The following MEIS2 variants were observed in gnomAD, a reference collection of about 807,000 sequenced individuals.
The protein encoded by MEIS2 is homeobox protein Meis2.
A neutral mutation model predicts 58.6 loss-of-function variants in MEIS2; 9 were observed. The ratio of observed to expected loss-of-function variants is 0.15; its 90% confidence interval spans 0.09 to 0.27. The LOEUF (loss-of-function observed/expected upper bound fraction) is 0.27. Among genes scored for constraint, MEIS2 ranks in the 10% least tolerant of loss-of-function variants. The pLI is 1.00. For missense variants in MEIS2, 427 were observed against 635.0 expected (o/e 0.67, Z 3.52); for synonymous variants, 221 against 228.4 (o/e 0.97, Z 0.29).
chr15:36,921,994 A>T (rs2057530282), intron 9 of MEIS2, among the ~76,000 whole-genome samples: 1 of 152,228 alleles, frequency 6.6e-6, no homozygotes, highest in African/African-American at 2.4e-5. Flanking sequence ...ATGTTCACTG[A>T]TGTGGACTGA....
chr15:37,099,405 C>A, intron 1 of MEIS2, 50 bp downstream of exon 1: 1 of 1,613,980 alleles, frequency 6.2e-7, no homozygotes, highest in Non-Finnish European at 8.5e-7. Flanking sequence ...GGACAGGCCC[C>A]TCTTAGGAGA....
intron 9 of MEIS2, among the ~76,000 whole-genome samples, chr15:36,949,574 G>A (rs987507903): frequency 2.0e-5 from 3 of 151,970 alleles, no homozygotes; most frequent in African/African-American, 7.2e-5. Flanking sequence ...TACTTTCCCT[G>A]AATTTTGAAA....
chr15:36,973,823 T>A (rs2059651232), intron 8 of MEIS2, among the ~76,000 whole-genome samples: 1 of 152,166 alleles, frequency 6.6e-6, no homozygotes, highest in Non-Finnish European at 1.5e-5. Flanking sequence ...AAAGCCAGTA[T>A]TCCACTTGAA....
intron 9 of MEIS2, among the ~76,000 whole-genome samples, chr15:36,935,196 T>C (rs34113010): frequency 0.29 from 43,513 of 151,026 alleles, 6,439 homozygotes; most frequent in Non-Finnish European, 0.33. Context: ...CTTTTTTTTT[T>C]TTTTTTTAGC....
At chr15:37,097,917 C>T in intron 2 of MEIS2, 50 bp downstream of exon 2, 3 of 1,525,120 alleles carry the variant, frequency 2.0e-6, no homozygotes, top group East Asian at 2.3e-5. Flanking sequence ...GAGACAAACA[C>T]ACACTCTCAC....
chr15:37,089,383 T>C (rs1217550884), intron 6 of MEIS2, among the ~76,000 whole-genome samples: 2 of 151,958 alleles, frequency 1.3e-5, no homozygotes, highest in Non-Finnish European at 2.9e-5. Flanking sequence ...CTAGAGTCAC[T>C]TGCCCATATT....
Position 37,009,162 on chromosome 15 carries a change from G to A in MEIS2, c.900+27652C>T, listed in dbSNP as rs976504413. Among the ~76,000 whole-genome samples the A allele has an allele frequency of 9.0e-4, 137 of 152,184 alleles. 1 individual carries two copies. Among genetic ancestry groups the A allele is most frequent in the East Asian group, 6.2e-3 (32 of 5,168 alleles). ...AAATTAACCAGGCGTGGTGGCGGGC[G>A]CCTATAGTCCCAGCTACTCGGGAGG... On this transcript the variant is annotated intron_variant, in intron 8 of 11. Transcript: ENST00000561208.
At chr15:36,987,399 C>T (rs953605613) in intron 8 of MEIS2, among the ~76,000 whole-genome samples, 3 of 103,398 alleles carry the variant, frequency 2.9e-5, no homozygotes, top group Admixed American at 1.2e-4. Context: ...CGGAGCAAGA[C>T]CCTGTCTCAA....
chr15:37,006,352 T>A (rs980752097), intron 8 of MEIS2, among the ~76,000 whole-genome samples: 2 of 152,248 alleles, frequency 1.3e-5, no homozygotes, highest in African/African-American at 2.4e-5. Context: ...TGTTTGGGTA[T>A]CGTAACCATA....
intron 9 of MEIS2, among the ~76,000 whole-genome samples, chr15:36,923,822 C>T (rs1389394494): frequency 2.6e-5 from 4 of 152,148 alleles, no homozygotes; most frequent in South Asian, 2.1e-4. Flanking sequence ...CACAAAATAC[C>T]GTAGCTGTTT....
intron 8 of MEIS2, among the ~76,000 whole-genome samples, chr15:37,009,114 C>G (rs932520767): frequency 6.6e-6 from 1 of 152,120 alleles, no homozygotes; most frequent in African/African-American, 2.4e-5. Flanking sequence ...ACGGTGAAAC[C>G]CTGTCTCTAC....
chr15:36,895,962 A>G (rs888851419), intron 10 of MEIS2, among the ~76,000 whole-genome samples: 1 of 152,202 alleles, frequency 6.6e-6, no homozygotes, highest in African/African-American at 2.4e-5. Context: ...GCCTTATTGC[A>G]GGAGACCACA....
intron 7 of MEIS2, among the ~76,000 whole-genome samples, chr15:37,041,132 G>T (rs1360131208): frequency 6.6e-6 from 1 of 152,200 alleles, no homozygotes; most frequent in East Asian, 1.9e-4. Context: ...TAGTCTTCTG[G>T]TAGTAAGGGT....
chr15:37,018,058 TATC>T (rs1437463441), intron 8 of MEIS2, among the ~76,000 whole-genome samples: 1 of 152,182 alleles, frequency 6.6e-6, no homozygotes, highest in Non-Finnish European at 1.5e-5. Context: ...GAGGAAGTAT[TATC>T]ATTATCCCTA....
chr15:36,924,674 G>A (rs570877121), intron 9 of MEIS2, among the ~76,000 whole-genome samples: 17 of 152,236 alleles, frequency 1.1e-4, no homozygotes, highest in Non-Finnish European at 1.9e-4. Flanking sequence ...GTGAGCTTAC[G>A]GGAGCGGACC....
chr15:36,975,931 T>A (rs569537050), intron 8 of MEIS2, among the ~76,000 whole-genome samples: 13 of 152,302 alleles, frequency 8.5e-5, no homozygotes, highest in African/African-American at 2.9e-4. Context: ...GGTTTAGCCA[T>A]TCCACAATGT....
At chr15:36,939,325 G>GA (rs548262878) in intron 9 of MEIS2, among the ~76,000 whole-genome samples, 36 of 152,070 alleles carry the variant, frequency 2.4e-4, no homozygotes. Flanking sequence ...ATAAAAGGCA[G>GA]AAAAAAAATC....
intron 6 of MEIS2, among the ~76,000 whole-genome samples, chr15:37,085,872 A>G (rs1892818378): frequency 6.6e-6 from 1 of 152,180 alleles, no homozygotes; most frequent in African/African-American, 2.4e-5. Context: ...GGGGCTCCTC[A>G]AGCTTTGAAG....
intron 7 of MEIS2, among the ~76,000 whole-genome samples, chr15:37,070,115 T>A (rs1596066226): frequency 6.6e-6 from 1 of 152,170 alleles, no homozygotes; most frequent in South Asian, 2.1e-4. Flanking sequence ...TGTGCTTACT[T>A]TTAATGAAAC....
Sources: allele counts gnomAD v4.1 joint callset (sites outside exome capture counted in the v4.1 genomes callset), GRCh38; gene constraint gnomAD v4.1.1; transcripts MANE v1.5; gene names NCBI Gene and HGNC (gene_info 2026-07-23, HGNC 2026-07-21).